The following RPH3AL variants were observed in gnomAD, a reference collection of about 807,000 sequenced individuals.
RPH3AL encodes the protein rab effector Noc2.
A neutral mutation model predicts 43.1 loss-of-function variants in RPH3AL; 38 were observed. The ratio of observed to expected loss-of-function variants is 0.88; its 90% CI spans 0.68 to 1.15. The LOEUF (loss-of-function observed/expected upper bound fraction) is 1.15, where lower values mean the gene tolerates loss of function less well. Among genes scored for constraint, RPH3AL ranks in the 50% most tolerant of loss-of-function variants. The probability of loss-of-function intolerance (pLI) is 0.00; values close to 1 mark genes in which losing one functional copy is unlikely to be tolerated. For missense variants in RPH3AL, 462 were observed against 423.2 expected (o/e 1.09, Z -0.81); for synonymous variants, 189 against 176.3 (o/e 1.07, Z -0.57).
intron 1 of RPH3AL, among the ~76,000 whole-genome samples, chr17:346,304 G>A (rs1242574661): frequency 1.5e-5 from 2 of 135,090 alleles, no homozygotes; most frequent in African/African-American, 5.1e-5. Flanking sequence ...TCCCAGTTGT[G>A]TTAGTCCGTT....
chr17:228,997 A>AAAAT (rs1485469390), intron 7 of RPH3AL, among the ~76,000 whole-genome samples: 1 of 152,228 alleles, frequency 6.6e-6, no homozygotes, highest in Non-Finnish European at 1.5e-5. Flanking sequence ...AATGGAGACA[A>AAAAT]AAATAACTAC....
chr17:291,378 C>A (rs1191286351), intron 5 of RPH3AL, among the ~76,000 whole-genome samples: 1 of 152,080 alleles, frequency 6.6e-6, no homozygotes, highest in Non-Finnish European at 1.5e-5. Context: ...CCCCACCCCC[C>A]ATCTCATTTT....
chr17:331,253 C>A, intron 2 of RPH3AL: 1 of 40,260 alleles, frequency 2.5e-5, no homozygotes, highest in Non-Finnish European at 4.9e-5. Context: ...GCAGAAGAGC[C>A]ACAGAGCCAA....
At chr17:235,104 G>C (rs2151519622) in intron 7 of RPH3AL, among the ~76,000 whole-genome samples, 1 of 152,230 alleles carries the variant, frequency 6.6e-6, no homozygotes, top group East Asian at 1.9e-4. Flanking sequence ...CGGGTCCCGG[G>C]TTCAAAGCTG....
chr17:269,027 C>T lies in RPH3AL; in HGVS notation c.438+12741G>A, dbSNP rs553908446. On this transcript the variant is annotated intron_variant, in intron 6 of 9. Transcript: ENST00000331302. ...CCGAGTAGCTGGGACTACAGGCGCC[C>T]GCCACCACGCCTGGCTAATTTTTTG... Among the ~76,000 whole-genome samples, 478 of 152,116 alleles carry T rather than the reference C, an allele frequency of 3.1e-3. 3 individuals are homozygous for T. Among genetic ancestry groups the T allele is most frequent in the East Asian group, 0.02 (102 of 5,166 alleles).
chr17:244,442 G>A (rs1367713117), intron 7 of RPH3AL, among the ~76,000 whole-genome samples: 1 of 152,022 alleles, frequency 6.6e-6, no homozygotes, highest in Non-Finnish European at 1.5e-5. Flanking sequence ...GAGAATGGGG[G>A]GGGAGAGGGA....
chr17:293,582 G>A (rs535174216), intron 5 of RPH3AL, among the ~76,000 whole-genome samples: 29 of 152,270 alleles, frequency 1.9e-4, no homozygotes, highest in South Asian at 2.1e-4. Context: ...CATCTTTTCC[G>A]GCAGGACACG....
At chr17:269,111 C>T (rs1334493767) in intron 6 of RPH3AL, among the ~76,000 whole-genome samples, 1 of 152,152 alleles carries the variant, frequency 6.6e-6, no homozygotes, top group African/African-American at 2.4e-5. Context: ...ATCTCCTGAC[C>T]TCATAATCCG....
intron 3 of RPH3AL, among the ~76,000 whole-genome samples, chr17:326,251 C>T (rs73971743): frequency 0.016 from 2,441 of 152,384 alleles, 72 homozygotes; most frequent in African/African-American, 0.056. Flanking sequence ...CTGCAAATCA[C>T]GCATGACTCC....
intron 5 of RPH3AL, among the ~76,000 whole-genome samples, chr17:282,244 A>G (rs1384360278): frequency 6.6e-6 from 1 of 152,264 alleles, no homozygotes; most frequent in East Asian, 1.9e-4. Flanking sequence ...CTGCCTGGAA[A>G]TAATGCGATT....
In RPH3AL at chr17:213,739, T is replaced by G; in HGVS notation, c.*113A>C. 3.6e-6 allele frequency: 3 copies of G among 844,994 alleles called. No homozygotes were observed. Among genetic ancestry groups the G allele is most frequent in the Non-Finnish European group, 5.9e-6 (3 of 509,854 alleles). The allele number at this position is 844,994 out of a possible 1,614,324, so 52.3% of individuals were successfully genotyped here. A position where few individuals can be genotyped will look rare whatever the true frequency, so the allele number is the denominator to read the frequency against. ...CAGACGGCTCCCAACACTGGTTTGT[T>G]GAGTCATGGCCAACAGGGTGTCTGG... On this transcript the variant is annotated 3_prime_UTR_variant, in exon 10 of 10. Transcript: ENST00000331302.
intron 7 of RPH3AL, among the ~76,000 whole-genome samples, chr17:221,791 T>C (rs1174235607): frequency 1.1e-4 from 11 of 98,456 alleles, no homozygotes; most frequent in East Asian, 2.9e-4. Flanking sequence ...ACTGAGACAA[T>C]AGACCCAAGC....
At chr17:259,457 T>C (rs2042149377) in intron 6 of RPH3AL, among the ~76,000 whole-genome samples, 1 of 152,208 alleles carries the variant, frequency 6.6e-6, no homozygotes. Context: ...ACTTCTGCTC[T>C]GTGCATCTGG....
rs564528084 is a variant in RPH3AL, at chr17:290,563, C to T, written c.352-8709G>A. Among the ~76,000 whole-genome samples the T allele has an allele frequency of 2.0e-5, 3 of 152,138 alleles. No homozygotes were observed. In the South Asian group the frequency reaches 6.2e-4, roughly 32 times the overall value. ...ACTTCAGTGACATTTCTGCTTCCTG[C>T]GACTCCCCGTCCCACCCCTTCTCCT... On this transcript the variant is annotated intron_variant, in intron 5 of 9. Transcript: ENST00000331302. The surrounding 1 kb of genome is among the most constrained non-coding windows in gnomAD (Gnocchi z 4.2).
At chr17:234,173 TA>T (rs2041305009) in intron 7 of RPH3AL, among the ~76,000 whole-genome samples, 4 of 556 alleles carry the variant, frequency 7.2e-3, no homozygotes, top group African/African-American at 0.018. Context: ...AGCGGCTACT[TA>T]CCCTGACCAA....
At chr17:335,973 C>T (rs1002383882) in intron 1 of RPH3AL, 1 of 136,952 alleles carries the variant, frequency 7.3e-6, no homozygotes, top group African/African-American at 2.6e-5. Context: ...AACGGCTGCA[C>T]ATTTGCTGCT....
intron 6 of RPH3AL, among the ~76,000 whole-genome samples, chr17:279,114 A>T (rs1035188616): frequency 6.6e-6 from 1 of 152,216 alleles, no homozygotes; most frequent in Non-Finnish European, 1.5e-5. Context: ...ACTCAGAACC[A>T]GCTTAAAATC....
At chr17:220,248 C>T (rs936976898) in intron 7 of RPH3AL, among the ~76,000 whole-genome samples, 69 of 150,402 alleles carry the variant, frequency 4.6e-4, no homozygotes, top group African/African-American at 1.6e-3. Flanking sequence ...GAGGCCTCCA[C>T]TCACTGAGAC....
chr17:305,587 A>G (rs2043465220), intron 5 of RPH3AL, among the ~76,000 whole-genome samples: 1 of 151,432 alleles, frequency 6.6e-6, no homozygotes, highest in Non-Finnish European at 1.5e-5. Context: ...CCAACATCTC[A>G]AGAGCAGGAC....
Sources: gnomAD v4.1 joint callset for allele counts (sites outside exome capture counted in the v4.1 genomes callset) on GRCh38, gnomAD v4.1.1 for gene constraint, Gnocchi (gnomAD v3.1) non-coding constraint, MANE v1.5 for transcripts, NCBI Gene and HGNC (gene_info 2026-07-23, HGNC 2026-07-21) for gene names.